LSM12: variants seen among roughly 807,000 people sequenced by gnomAD.
LSM12 encodes the protein LSM12 homolog.
For missense variants in LSM12, 108 were observed against 238.9 expected (o/e 0.45, Z 3.61); for synonymous variants, 74 against 87.3 (o/e 0.85, Z 0.85).
intron 2 of LSM12, among the ~76,000 whole-genome samples, chr17:44,057,958 C>T (rs916461583): frequency 2.6e-5 from 4 of 151,562 alleles, no homozygotes; most frequent in East Asian, 3.9e-4. Context: ...AAATCTGGGC[C>T]GGGCACAGTG....
At chr17:44,044,891 T>C (rs930345054) in intron 2 of LSM12, among the ~76,000 whole-genome samples, 4 of 152,222 alleles carry the variant, frequency 2.6e-5, no homozygotes, top group Admixed American at 2.6e-4. Flanking sequence ...TACCTATAAA[T>C]GGCCCAATTA....
chr17:44,064,800 T>G (rs2049848108), intron 1 of LSM12, among the ~76,000 whole-genome samples: 2 of 150,730 alleles, frequency 1.3e-5, no homozygotes, highest in Admixed American at 1.3e-4. Flanking sequence ...ATGTAAAAGG[T>G]CTTATTTCTT....
chr17:44,054,231 G>A (rs955234031), intron 2 of LSM12, among the ~76,000 whole-genome samples: 2 of 152,198 alleles, frequency 1.3e-5, no homozygotes, highest in African/African-American at 4.8e-5. Flanking sequence ...CTAGCCTGCA[G>A]CACTGTACCC....
intron 2 of LSM12, among the ~76,000 whole-genome samples, chr17:44,062,910 A>T (rs1446472381): frequency 6.6e-6 from 1 of 151,992 alleles, no homozygotes. Context: ...GTCTCCAAAA[A>T]AAAAAAAAAT....
chr17:44,066,749 A>C, upstream of LSM12: 1 of 886,860 alleles, frequency 1.1e-6, no homozygotes, highest in Non-Finnish European at 1.5e-6. Context: ...TGGAGTGGGA[A>C]AGAAGAGGAA....
At chr17:44,046,027 C>A (rs2049559232) in intron 2 of LSM12, among the ~76,000 whole-genome samples, 2 of 147,446 alleles carry the variant, frequency 1.4e-5, no homozygotes, top group South Asian at 2.1e-4. Context: ...AGCTCCGCCT[C>A]CTGGGTTCAC....
At chr17:44,043,113 C>G (rs1318406797) in intron 2 of LSM12, among the ~76,000 whole-genome samples, 1 of 152,214 alleles carries the variant, frequency 6.6e-6, no homozygotes, top group Non-Finnish European at 1.5e-5. Context: ...AGGAGGCCTT[C>G]AATTGCCATG....
intron 2 of LSM12, among the ~76,000 whole-genome samples, chr17:44,053,939 A>G (rs558704313): frequency 2.8e-4 from 43 of 152,254 alleles, no homozygotes; most frequent in Non-Finnish European, 4.4e-4. Context: ...ATACTGGAGG[A>G]ATTACCACCA....
intron 2 of LSM12, among the ~76,000 whole-genome samples, chr17:44,051,385 G>A (rs1240977042): frequency 1.9e-5 from 2 of 107,320 alleles, no homozygotes; most frequent in Non-Finnish European, 3.5e-5. Flanking sequence ...GCGAGACTCC[G>A]TCTCAAAAAA....
chr17:44,066,115 G>T (rs2049870799), intron 1 of LSM12, among the ~76,000 whole-genome samples: 1 of 151,654 alleles, frequency 6.6e-6, no homozygotes, highest in Non-Finnish European at 1.5e-5. Flanking sequence ...TTCCATCCGG[G>T]CTCCAATCCA....
intron 2 of LSM12, among the ~76,000 whole-genome samples, chr17:44,061,464 G>C (rs1015553758): frequency 3.9e-5 from 6 of 152,098 alleles, no homozygotes; most frequent in African/African-American, 1.4e-4. Flanking sequence ...AAGCTTCAAA[G>C]AATGGGACAT....
intron 2 of LSM12, among the ~76,000 whole-genome samples, chr17:44,042,268 C>T (rs564742197): frequency 6.6e-6 from 1 of 151,608 alleles, no homozygotes; most frequent in South Asian, 2.1e-4. Flanking sequence ...GCCTGGGCGA[C>T]AGAGCAAGAC....
In LSM12 at chr17:44,034,653, G is replaced by A. The variant is rs1455267097; in HGVS notation, c.*1555C>T. 1 of 151,228 alleles carries A rather than the reference G, an allele frequency of 6.6e-6. No individual in the cohort carries two copies. Among genetic ancestry groups the A allele is most frequent in the Admixed American group, 6.6e-5 (1 of 15,096 alleles). The allele number at this position is 151,228 out of a possible 1,614,324, so 9.4% of individuals were successfully genotyped here. On this transcript the variant is annotated 3_prime_UTR_variant, in exon 5 of 5. Transcript: ENST00000293406. ...ACATGAGTGATGGTTAAAAAAATTT[G>A]GGTTTTATTGTTTTTGCTAAATAAT...
At chr17:44,046,644 T>C (rs1463798128) in intron 2 of LSM12, among the ~76,000 whole-genome samples, 2 of 146,684 alleles carry the variant, frequency 1.4e-5, no homozygotes, top group East Asian at 2.1e-4. Context: ...GAGGCGGAGC[T>C]TGCAGTGAGC....
chr17:44,045,811 G>A (rs1331787314), intron 2 of LSM12, among the ~76,000 whole-genome samples: 1 of 151,732 alleles, frequency 6.6e-6, no homozygotes, highest in Non-Finnish European at 1.5e-5. Flanking sequence ...GAGCTCAAAC[G>A]ATCCACCCAC....
At chr17:44,060,090 G>A (rs554874261) in intron 2 of LSM12, among the ~76,000 whole-genome samples, 191 of 152,246 alleles carry the variant, frequency 1.3e-3, no homozygotes, top group African/African-American at 4.4e-3. Flanking sequence ...GCATGAACCC[G>A]GGAGGTGGAG....
chr17:44,060,978 C>T (rs1328146358), intron 2 of LSM12, among the ~76,000 whole-genome samples: 2 of 152,164 alleles, frequency 1.3e-5, no homozygotes, highest in Non-Finnish European at 2.9e-5. Flanking sequence ...TTATCATACC[C>T]TATAAACACC....
In LSM12 at chr17:44,035,945, G is replaced by C. The variant is rs1263541764; in HGVS notation, c.*263C>G. 4.6e-6 allele frequency: 1 copy of C among 219,252 alleles called. No homozygotes were observed. The highest frequency in any genetic ancestry group is 5.6e-5 in the Admixed American group (1 of 17,800). The allele number at this position is 219,252 out of a possible 1,614,324, so 13.6% of individuals were successfully genotyped here. On this transcript the variant is annotated 3_prime_UTR_variant, in exon 5 of 5. Coordinates refer to ENST00000293406, the MANE Select transcript of LSM12 (RefSeq NM_001371445.1). ...AATTTTCAAAAATAAAATTAACAAG[G>C]TGACTGTTCCAGAAGAGGGCTGTGA...
intron 2 of LSM12, among the ~76,000 whole-genome samples, chr17:44,051,033 G>A (rs556213573): frequency 1.3e-5 from 2 of 152,128 alleles, no homozygotes; most frequent in East Asian, 3.9e-4. Context: ...CAACACTTTG[G>A]GAGGCTGAGG....
Sources: gnomAD v4.1 joint callset for allele counts (sites outside exome capture counted in the v4.1 genomes callset) on GRCh38, gnomAD v4.1.1 for gene constraint, MANE v1.5 for transcripts, NCBI Gene and HGNC (gene_info 2026-07-23, HGNC 2026-07-21) for gene names.